The following UGGT2 variants were observed in gnomAD, a reference collection of about 807,000 sequenced individuals.
UGGT2 encodes the protein UDP-glucose:glycoprotein glucosyltransferase 2.
UGGT2 carries 180 observed loss-of-function variants against 192.1 expected under a neutral mutation model. The observed-to-expected ratio is 0.94, with a 90% confidence interval of 0.83 to 1.06. The LOEUF (loss-of-function observed/expected upper bound fraction) is 1.06. Among genes scored for constraint, UGGT2 ranks in the 50% least tolerant of loss-of-function variants. The pLI, the probability that UGGT2 is intolerant of heterozygous loss-of-function variation, is 0.00. For synonymous variants in UGGT2, 580 were observed against 591.0 expected (o/e 0.98, Z 0.27); for missense variants, 1,849 against 1,795.7 (o/e 1.03, Z -0.54).
intron 37 of UGGT2, among the ~76,000 whole-genome samples, chr13:95,836,265 G>T (rs1357039442): frequency 6.6e-6 from 1 of 152,124 alleles, no homozygotes; most frequent in Non-Finnish European, 1.5e-5. Context: ...AGCAACGCTG[G>T]TCTCGAAGTC....
At position 95,996,074 on chromosome 13, in the gene UGGT2, A is replaced by C. The variant is rs1248594210; in HGVS notation, c.819T>G (p.Phe273Leu). 2 of 1,613,510 alleles carry C rather than the reference A, an allele frequency of 1.2e-6. No homozygotes were observed. The highest frequency in any genetic ancestry group is 2.2e-5 in the East Asian group (1 of 44,854). ...CCATTCAGACTTACTTTAGTTTCCC[A>C]AAGAGAAATCCTTGAACTTCATTTG... The part of the protein sequence containing the change: ...TETNEVQGFL[F>L]GKLKEIYSDL... The change falls in exon 7 of 39, where the codon TTT becomes TTG. Residue 273 changes from phenylalanine to leucine, a missense_variant. By Grantham distance (22) the Phe-to-Leu change is conservative. Transcript: ENST00000376747.
chr13:95,836,976 G>A (rs1177625091), intron 37 of UGGT2, 110 bp downstream of exon 37: 1 of 890,818 alleles, frequency 1.1e-6, no homozygotes, highest in Admixed American at 2.1e-5. Flanking sequence ...CTGAACAGCA[G>A]AAGAAGCGAA....
chr13:95,812,849 C>T (rs1227427476), intron 38 of UGGT2, among the ~76,000 whole-genome samples: 3 of 152,096 alleles, frequency 2.0e-5, no homozygotes, highest in Non-Finnish European at 2.9e-5. Context: ...TGAGGCCTCC[C>T]CCATTTATGA....
At position 95,970,292 on chromosome 13, in the gene UGGT2, T is replaced by C. The variant is rs200553032; in HGVS notation, c.1185-30A>G. On this transcript the variant is annotated intron_variant, in intron 11 of 38. Transcript: ENST00000376747. ...ATATTCAAAGAAAAAACAGTTTTAT[T>C]TTGATTTTCCAAATTAAAAACAAAT... The C allele has an allele frequency of 1.7e-3, 2,681 of 1,560,770 alleles. 30 individuals carry two copies. Among genetic ancestry groups the C allele is most frequent in the South Asian group, 0.014 (1,164 of 84,082 alleles).
chr13:95,889,280 A>C (rs539870655), intron 25 of UGGT2, among the ~76,000 whole-genome samples: 26 of 152,294 alleles, frequency 1.7e-4, no homozygotes, highest in African/African-American at 6.3e-4. Context: ...GGTATAACCA[A>C]TGCTAAAAGA....
intron 7 of UGGT2, chr13:95,991,546 T>C (rs983486826): frequency 1.9e-4 from 74 of 383,840 alleles, no homozygotes; most frequent in Middle Eastern, 4.2e-4. Flanking sequence ...TAAATATATA[T>C]AGTACAGTGT....
Position 95,946,521 on chromosome 13 carries a change from G to A in UGGT2, c.1677+516C>T, listed in dbSNP as rs559105947. Among the ~76,000 whole-genome samples, 15 of 152,092 alleles carry A rather than the reference G, an allele frequency of 9.9e-5. No individual in the cohort carries two copies. In the South Asian group the frequency reaches 2.3e-3, roughly 23 times the overall value. On this transcript the variant is annotated intron_variant, in intron 15 of 38. Coordinates refer to ENST00000376747, the MANE Select transcript of UGGT2 (RefSeq NM_020121.4). ...GTAACTATGACTACAGGCATGTGCC[G>A]CTGCACCTGGAATTTTTTATTTTTT...
chr13:95,945,101 T>C (rs1218114989), intron 15 of UGGT2, among the ~76,000 whole-genome samples: 1 of 152,088 alleles, frequency 6.6e-6, no homozygotes, highest in African/African-American at 2.4e-5. Context: ...GCTAGTATGC[T>C]AAAGTTTAAT....
intron 1 of UGGT2, among the ~76,000 whole-genome samples, chr13:96,043,195 G>A (rs2053214210): frequency 6.6e-6 from 1 of 152,196 alleles, no homozygotes; most frequent in Admixed American, 6.5e-5. Flanking sequence ...CAAGCTAGAA[G>A]GGATTGGGGC....
chr13:95,983,995 A>C, intron 9 of UGGT2, 131 bp from the exon 10 acceptor site: 1 of 517,518 alleles, frequency 1.9e-6, no homozygotes. Flanking sequence ...AAAAGTATAC[A>C]TTTCCATATG....
At chr13:95,986,033 T>C (rs866787238) in intron 9 of UGGT2, among the ~76,000 whole-genome samples, 2 of 152,158 alleles carry the variant, frequency 1.3e-5, no homozygotes, top group Non-Finnish European at 2.9e-5. Context: ...TCATTATTTA[T>C]TGCTTAAACA....
At position 95,925,677 on chromosome 13, in the gene UGGT2, C is replaced by T. The variant is rs777433533; in HGVS notation, c.2295+3G>A. 1 of 1,526,348 alleles carries T rather than the reference C, an allele frequency of 6.6e-7. No homozygotes were observed. The highest frequency in any genetic ancestry group is 1.3e-5 in the South Asian group (1 of 74,550). 94.6% of individuals were successfully genotyped at this position (1,526,348 alleles called of 1,614,324 possible). ...TTGTTAGTAAGAATATCTAGGTACT[C>T]ACCATGTGCTTTAATGCATTAAAAA... On this transcript the variant is annotated splice_donor_region_variant and intron_variant, in intron 20 of 38. Transcript: ENST00000376747.
chr13:95,820,222 A>G (rs1017732972), intron 38 of UGGT2, among the ~76,000 whole-genome samples: 1 of 152,166 alleles, frequency 6.6e-6, no homozygotes, highest in Admixed American at 6.6e-5. Context: ...ATGACACTAT[A>G]GAATATATCC....
rs1261709088 is a variant in UGGT2, at chr13:95,856,227, G to A, written c.3939C>T (p.Tyr1313=). The change falls in exon 34 of 39, where the codon TAC becomes TAT. Residue 1313 remains tyrosine, a synonymous_variant. Transcript: ENST00000376747. ...AAAGAACATCAAGGAAAAGAATTTT[G>A]TAACCCCAAATAATCCTCTGTCTTT... is the stretch of plus-strand genomic sequence containing the variant. The part of the protein sequence containing the change: ...QTERQRIIWG[Y]KILFLDVLFP... 4.3e-6 allele frequency: 7 copies of A among 1,613,438 alleles called. No homozygotes were observed. In the South Asian group the frequency reaches 6.6e-5, roughly 15 times the overall value.
chr13:96,047,855 A>G (rs935085007), intron 1 of UGGT2, among the ~76,000 whole-genome samples: 1 of 152,192 alleles, frequency 6.6e-6, no homozygotes, highest in Non-Finnish European at 1.5e-5. Flanking sequence ...AGAGACCTAG[A>G]AAGAGATTTA....
intron 36 of UGGT2, among the ~76,000 whole-genome samples, chr13:95,844,316 A>G (rs1888170540): frequency 6.6e-6 from 1 of 152,220 alleles, no homozygotes; most frequent in Non-Finnish European, 1.5e-5. Flanking sequence ...AATCAACTTC[A>G]TTAATTTGTA....
chr13:95,963,964 T>C (rs2050485622), intron 12 of UGGT2, among the ~76,000 whole-genome samples: 1 of 152,074 alleles, frequency 6.6e-6, no homozygotes, highest in South Asian at 2.1e-4. Context: ...TATTAAGATA[T>C]CATCATTTTT....
chr13:95,855,577 C>A (rs1297044961), intron 34 of UGGT2, among the ~76,000 whole-genome samples: 1 of 148,442 alleles, frequency 6.7e-6, no homozygotes, highest in African/African-American at 2.5e-5. Flanking sequence ...GGCTGGAGTG[C>A]AGTGGCATGA....
At chr13:95,941,705 AT>A (rs1417582748) in intron 15 of UGGT2, among the ~76,000 whole-genome samples, 2 of 152,316 alleles carry the variant, frequency 1.3e-5, no homozygotes, top group East Asian at 3.9e-4. Flanking sequence ...ACATTTTTAA[AT>A]TTTAAAAATT....
Sources: allele counts gnomAD v4.1 joint callset (sites outside exome capture counted in the v4.1 genomes callset), GRCh38; gene constraint gnomAD v4.1.1; transcripts MANE v1.5; gene names NCBI Gene and HGNC (gene_info 2026-07-23, HGNC 2026-07-21).